The following NDUFB6 variants were observed in gnomAD, a reference collection of about 807,000 sequenced individuals.
The protein encoded by NDUFB6 is NADH dehydrogenase [ubiquinone] 1 beta subcomplex subunit 6.
In NDUFB6, 23 loss-of-function variants were observed where a neutral mutation model predicts 17.5. That is an observed-to-expected ratio of 1.31 (90% CI 0.94 to 1.86). The LOEUF (loss-of-function observed/expected upper bound fraction) is 1.86. Among genes scored for constraint, NDUFB6 ranks in the 40% most tolerant of loss-of-function variants. NDUFB6 has a pLI of 0.00. For missense variants in NDUFB6, 167 were observed against 153.8 expected, an observed-to-expected ratio of 1.09 and a Z score of -0.46; for synonymous variants, 60 against 53.5, an observed-to-expected ratio of 1.12 and a Z score of -0.53.
At chr9:32,555,926 G>A (rs988079806) in intron 3 of NDUFB6, among the ~76,000 whole-genome samples, 1 of 152,224 alleles carries the variant, frequency 6.6e-6, no homozygotes, top group African/African-American at 2.4e-5. Flanking sequence ...CCAAGAACCA[G>A]TGACTACTAT....
At chr9:32,553,982 A>G (rs1687696951) in intron 3 of NDUFB6, 38 bp from the exon 4 acceptor site, 1 of 1,329,372 alleles carries the variant, frequency 7.5e-7, no homozygotes, top group South Asian at 1.2e-5. Flanking sequence ...AAAAATCTTA[A>G]GTCTACAGAG....
chr9:32,553,173 A>G lies in NDUFB6; in HGVS notation c.*703T>C, dbSNP rs17218354. The G allele has an allele frequency of 0.4, 137,866 of 342,892 alleles. 29,990 individuals carry two copies. Among genetic ancestry groups the G allele is most frequent in the South Asian group, 0.47 (7,948 of 16,864 alleles). 21.2% of individuals were successfully genotyped at this position (342,892 alleles called of 1,614,324 possible). A position where few individuals can be genotyped will look rare whatever the true frequency, so the allele number is the denominator to read the frequency against. ...GAATAAGCTTTTCAATCAAGTTTCT[A>G]AATTCTTCAAAAATGATTCGGAAAG... On this transcript the variant is annotated 3_prime_UTR_variant, in exon 4 of 4. Coordinates refer to ENST00000379847, the MANE Select transcript of NDUFB6 (RefSeq NM_002493.5).
intron 2 of NDUFB6, chr9:32,567,211 G>A (rs1440078331): frequency 4.2e-6 from 2 of 474,608 alleles, no homozygotes; most frequent in Non-Finnish European, 8.7e-6. Context: ...CCCAGTCACA[G>A]GGCTCTACAC....
At chr9:32,564,510 C>CT (rs879697635) in intron 2 of NDUFB6, among the ~76,000 whole-genome samples, 16 of 95,062 alleles carry the variant, frequency 1.7e-4, no homozygotes, top group African/African-American at 6.7e-4. Context: ...AAATATTACA[C>CT]TTTTTTAAAA....
chr9:32,555,539 A>G (rs1821432390), intron 3 of NDUFB6, among the ~76,000 whole-genome samples: 1 of 152,248 alleles, frequency 6.6e-6, no homozygotes, highest in African/African-American at 2.4e-5. Context: ...GGCATGAGAC[A>G]CTGACTAGAA....
In NDUFB6 at chr9:32,562,710, G is replaced by A. The variant is rs116921880; in HGVS notation, c.274-3756C>T. Among the ~76,000 whole-genome samples the A allele has an allele frequency of 8.0e-3, 1,220 of 152,204 alleles. 11 individuals are homozygous for A. The highest frequency in any genetic ancestry group is 0.012 in the Non-Finnish European group (833 of 68,012). ...AAAATAATTACAATACAACTATCAAGATCAGGAAATTAACACTCATACATT... is the reference window on the plus strand; with the variant it reads ...AAAATAATTACAATACAACTATCAAAATCAGGAAATTAACACTCATACATT... On this transcript the variant is annotated intron_variant, in intron 2 of 3. Coordinates refer to ENST00000379847, the MANE Select transcript of NDUFB6 (RefSeq NM_002493.5).
At chr9:32,566,246 G>T (rs1290238431) in intron 2 of NDUFB6, 2 of 1,002,352 alleles carry the variant, frequency 2.0e-6, no homozygotes, top group African/African-American at 1.6e-5. Context: ...GTTTTCTTAT[G>T]GCAGACAACA....
intron 2 of NDUFB6, among the ~76,000 whole-genome samples, chr9:32,559,792 T>C (rs956953681): frequency 6.6e-6 from 1 of 152,042 alleles, no homozygotes; most frequent in African/African-American, 2.4e-5. Flanking sequence ...TACCTCTTTG[T>C]TTATATATTT....
In NDUFB6 at chr9:32,573,120, T is replaced by A. The variant is rs1821983380; in HGVS notation, c.-60A>T. The A allele has an allele frequency of 3.5e-6, 5 of 1,448,760 alleles. No individual in the cohort carries two copies. The highest frequency in any genetic ancestry group is 3.6e-6 in the Non-Finnish European group (4 of 1,097,516). The allele number at this position is 1,448,760 out of a possible 1,614,324, so 89.7% of individuals were successfully genotyped here. ...CACCCTCGAACTACGGACTAGTTAC[T>A]TAAGCGCGCTCCCGCTCTGCAAAGC... On this transcript the variant is annotated 5_prime_UTR_variant, in exon 1 of 4. It adds an upstream start codon to the 5' untranslated region. Coordinates refer to ENST00000379847, the MANE Select transcript of NDUFB6 (RefSeq NM_002493.5).
In NDUFB6 at chr9:32,570,957, T is replaced by C. The variant is rs749867616; in HGVS notation, c.273+3A>G. On this transcript the variant is annotated splice_donor_region_variant and intron_variant, in intron 2 of 3. Coordinates refer to ENST00000379847, the MANE Select transcript of NDUFB6 (RefSeq NM_002493.5). The stretch of plus-strand genomic sequence containing the variant: ...AAATGAATTCTGAAAAGGACATACT[T>C]ACAGAAACATGATACTTCATGTAAT... 9.0e-6 allele frequency: 14 copies of C among 1,556,888 alleles called. No individual in the cohort carries two copies. In the African/African-American group the frequency reaches 1.9e-4, roughly 21 times the overall value.
chr9:32,559,546 A>G (rs1197023831), intron 2 of NDUFB6, among the ~76,000 whole-genome samples: 1 of 152,166 alleles, frequency 6.6e-6, no homozygotes, highest in Non-Finnish European at 1.5e-5. Flanking sequence ...CTCCATTCCT[A>G]GGAGTCCAAT....
At chr9:32,566,154 G>T (rs953750501) in intron 2 of NDUFB6, 1 of 691,558 alleles carries the variant, frequency 1.4e-6, no homozygotes, top group Admixed American at 2.2e-5. Context: ...TATGTCACTG[G>T]CGCTTTCACA....
chr9:32,553,351 G>A lies in NDUFB6; in HGVS notation c.*525C>T. ...CTACAGGAGCCCGCCACCACGCCCGGCTAATTTTTTTGTATTTTTAGTAGG... is the reference window on the plus strand; with the variant it reads ...CTACAGGAGCCCGCCACCACGCCCGACTAATTTTTTTGTATTTTTAGTAGG... On this transcript the variant is annotated 3_prime_UTR_variant, in exon 4 of 4. Transcript: ENST00000379847. The A allele has an allele frequency of 6.0e-6, 1 of 167,604 alleles. No homozygotes were observed. Among genetic ancestry groups the A allele is most frequent in the Non-Finnish European group, 1.3e-5 (1 of 77,312 alleles). 10.4% of individuals were successfully genotyped at this position (167,604 alleles called of 1,614,324 possible).
Position 32,553,666 on chromosome 9 carries a change from A to C in NDUFB6, c.*210T>G, listed in dbSNP as rs1443711743. On this transcript the variant is annotated 3_prime_UTR_variant, in exon 4 of 4. Coordinates refer to ENST00000379847, the MANE Select transcript of NDUFB6 (RefSeq NM_002493.5). ...CGTTTTCCAAGTCAAGAATGACCAG[A>C]AAAAGTAGGTAGTCTCTCATATTTG... The C allele has an allele frequency of 3.9e-6, 2 of 512,024 alleles. No homozygotes were observed. The highest frequency in any genetic ancestry group is 6.9e-6 in the Non-Finnish European group (2 of 287,870). The allele number at this position is 512,024 out of a possible 1,614,324, so 31.7% of individuals were successfully genotyped here. A position where few individuals can be genotyped will look rare whatever the true frequency, so the allele number is the denominator to read the frequency against.
intron 3 of NDUFB6, among the ~76,000 whole-genome samples, chr9:32,557,984 T>C (rs1165034468): frequency 2.0e-5 from 3 of 152,232 alleles, no homozygotes; most frequent in Non-Finnish European, 4.4e-5. Flanking sequence ...GACAAGAACA[T>C]AGTATGTATT....
intron 2 of NDUFB6, among the ~76,000 whole-genome samples, chr9:32,569,361 G>C (rs1821891277): frequency 6.6e-6 from 1 of 152,092 alleles, no homozygotes; most frequent in Admixed American, 6.6e-5. Flanking sequence ...TGGGACTACA[G>C]GCGCCCGCCA....
intron 2 of NDUFB6, among the ~76,000 whole-genome samples, chr9:32,559,755 T>C (rs985935061): frequency 6.6e-6 from 1 of 152,172 alleles, no homozygotes; most frequent in African/African-American, 2.4e-5. Context: ...TTTTCTTCTA[T>C]AGACTTGTTC....
At chr9:32,562,385 A>C (rs1821651376) in intron 2 of NDUFB6, among the ~76,000 whole-genome samples, 2 of 152,186 alleles carry the variant, frequency 1.3e-5, no homozygotes, top group South Asian at 4.1e-4. Flanking sequence ...AAGAGTCTAC[A>C]CAATCAATAG....
rs768672609 is a variant in NDUFB6, at chr9:32,572,950, T to C, written c.111A>G (p.Pro37=). 4 of 1,610,400 alleles carry C rather than the reference T, an allele frequency of 2.5e-6. No homozygotes were observed. The South Asian group carries it at 3.3e-5, about 13-fold the overall frequency. Residue 37 remains proline, a synonymous_variant, in exon 1 of 4, where the codon CCA becomes CCG. Transcript: ENST00000379847. Reference sequence around the variant, plus strand: ...ATTTCTCCATAGGCCCCATCTTCTGTGGGGGCAGCACCGGCTCCCGAGGGC... The same window carrying C: ...ATTTCTCCATAGGCCCCATCTTCTGCGGGGGCAGCACCGGCTCCCGAGGGC... The part of the protein sequence containing the change: ...ELSPREPVLP[P]QKMGPMEKFW...
Sources: gnomAD v4.1 joint callset for allele counts (sites outside exome capture counted in the v4.1 genomes callset) on GRCh38, gnomAD v4.1.1 for gene constraint, MANE v1.5 for transcripts, NCBI Gene and HGNC (gene_info 2026-07-23, HGNC 2026-07-21) for gene names.